Variants in HERC4 observed in about 807,000 individuals in gnomAD.
The protein encoded by HERC4 is probable E3 ubiquitin-protein ligase HERC4.
In HERC4, 28 loss-of-function variants were observed where a neutral mutation model predicts 124.3. The observed-to-expected ratio is 0.23, with a 90% confidence interval of 0.17 to 0.31. The LOEUF (loss-of-function observed/expected upper bound fraction) is 0.31, where lower values mean the gene tolerates loss of function less well. Ranked by LOEUF, HERC4 falls within the 10% of genes least tolerant of loss-of-function variation. The probability of loss-of-function intolerance (pLI) is 1.00; values close to 1 mark genes in which losing one functional copy is unlikely to be tolerated. For missense variants in HERC4, 713 were observed against 1,229.3 expected (o/e 0.58, Z 6.28); for synonymous variants, 407 against 421.5 (o/e 0.97, Z 0.42).
At chr10:68,070,033 C>T (rs564725944) in intron 3 of HERC4, 1 of 944,626 alleles carries the variant, frequency 1.1e-6, no homozygotes, top group Admixed American at 6.2e-5. Context: ...CAGAGTGAGA[C>T]TCTGTCTCAA....
At chr10:68,069,854 A>T (rs547022399) in intron 3 of HERC4, 15 of 497,364 alleles carry the variant, frequency 3.0e-5, no homozygotes, top group South Asian at 1.7e-4. Context: ...CATCCTGGCT[A>T]ACACGGTGAA....
In HERC4 at chr10:67,991,129, T is replaced by C. The variant is rs766559188; in HGVS notation, c.1331+11A>G. 4.6e-6 allele frequency: 7 copies of C among 1,516,666 alleles called. No individual in the cohort carries two copies. The South Asian group carries it at 5.7e-5, about 12-fold the overall frequency. The allele number at this position is 1,516,666 out of a possible 1,614,324, so 94.0% of individuals were successfully genotyped here. The stretch of plus-strand genomic sequence containing the variant: ...TTGAAAATTTCAGCATATTAAAGAA[T>C]TGCCACTTACCTAACAGCTAAAAAA... On this transcript the variant is annotated intron_variant, in intron 12 of 24. Coordinates refer to ENST00000373700, the MANE Select transcript of HERC4 (RefSeq NM_015601.4).
intron 19 of HERC4, among the ~76,000 whole-genome samples, chr10:67,952,049 C>A (rs1042923015): frequency 1.3e-5 from 2 of 152,162 alleles, no homozygotes; most frequent in African/African-American, 2.4e-5. Context: ...CCCTCCAAAT[C>A]TCAATTTCAA....
In HERC4 at chr10:68,013,947, G is replaced by A. The variant is rs969389252; in HGVS notation, c.1069+79C>T. 5.7e-6 allele frequency: 7 copies of A among 1,220,054 alleles called. No homozygotes were observed. In the South Asian group the frequency reaches 6.9e-5, roughly 12 times the overall value. The allele number at this position is 1,220,054 out of a possible 1,614,324, so 75.6% of individuals were successfully genotyped here. On this transcript the variant is annotated intron_variant, in intron 9 of 24. Coordinates refer to ENST00000373700, the MANE Select transcript of HERC4 (RefSeq NM_015601.4). ...CAATGTATCTTGGAATTCTTTCGCA[G>A]AAATCTTCATGATTTAAGAGCAACA...
Position 67,930,919 on chromosome 10 carries a change from A to T in HERC4, c.2838+1678T>A, listed in dbSNP as rs559945313. Among the ~76,000 whole-genome samples, 149 of 152,164 alleles carry T rather than the reference A, an allele frequency of 9.8e-4. 1 individual carries two copies. The highest frequency in any genetic ancestry group is 9.0e-3 in the Admixed American group (137 of 15,268). On this transcript the variant is annotated intron_variant, in intron 23 of 24. Transcript: ENST00000373700. ...GGTCTCCAACTCCTGGCCTCAAGTG[A>T]TCTGCCTGCCTCAGCCTCCCCAAGT...
chr10:68,064,422 T>C (rs907048888), intron 3 of HERC4, among the ~76,000 whole-genome samples: 7 of 150,726 alleles, frequency 4.6e-5, no homozygotes, highest in African/African-American at 1.7e-4. Context: ...AGTGTGGTGG[T>C]GCATGCCTGC....
intron 9 of HERC4, among the ~76,000 whole-genome samples, chr10:67,998,258 A>G (rs2037010826): frequency 6.6e-6 from 1 of 151,598 alleles, no homozygotes; most frequent in Non-Finnish European, 1.5e-5. Flanking sequence ...ACAATTAAAA[A>G]TCATACAGGC....
Position 67,992,664 on chromosome 10 carries a change from C to G in HERC4, c.1088G>C (p.Cys363Ser). The change falls in exon 10 of 25, where the codon TGT (cysteine) becomes TCT (serine). Residue 363 changes from cysteine to serine, a missense_variant. Coordinates refer to ENST00000373700, the MANE Select transcript of HERC4 (RefSeq NM_015601.4). ...LPDIDSEEYF[C>S]VKRIFSGGDQ... is the part of the protein sequence containing the mutation. Reference sequence around the variant, plus strand: ...TCCCCCTGAGAAAATTCTTTTTACACAGAAATATTCTTCAGAATCTGTAAT... The same window carrying G: ...TCCCCCTGAGAAAATTCTTTTTACAGAGAAATATTCTTCAGAATCTGTAAT... 6.5e-7 allele frequency: 1 copy of G among 1,526,836 alleles called. No homozygotes were observed. The highest frequency in any genetic ancestry group is 9.0e-7 in the Non-Finnish European group (1 of 1,111,614). The allele number at this position is 1,526,836 out of a possible 1,614,324, so 94.6% of individuals were successfully genotyped here. A position where few individuals can be genotyped will look rare whatever the true frequency, so the allele number is the denominator to read the frequency against.
At chr10:67,928,321 A>G (rs939516655) in intron 23 of HERC4, among the ~76,000 whole-genome samples, 13 of 152,142 alleles carry the variant, frequency 8.5e-5, no homozygotes, top group African/African-American at 3.1e-4. Context: ...CCTTAGAGTT[A>G]GTATCTACAG....
chr10:67,941,363 TTC>T (rs199842957), intron 19 of HERC4, among the ~76,000 whole-genome samples: 12,835 of 152,182 alleles, frequency 0.084, 1,008 homozygotes, highest in East Asian at 0.4. Context: ...TACAACTGTT[TTC>T]TCCCAGACAT....
chr10:67,940,585 A>C (rs2132128232), intron 20 of HERC4, among the ~76,000 whole-genome samples: 1 of 152,070 alleles, frequency 6.6e-6, no homozygotes, highest in Non-Finnish European at 1.5e-5. Context: ...ACGCCTGGCT[A>C]ATTTTTGTAT....
intron 1 of HERC4, 51 bp from the exon 2 acceptor site, chr10:68,073,737 T>C (rs2041677590): frequency 6.6e-6 from 1 of 152,168 alleles, no homozygotes; most frequent in Admixed American, 6.5e-5. Flanking sequence ...TTTTCCACAA[T>C]TTAAACGACT....
chr10:67,935,546 C>T (rs1465531009), intron 22 of HERC4, among the ~76,000 whole-genome samples: 1 of 152,126 alleles, frequency 6.6e-6, no homozygotes, highest in African/African-American at 2.4e-5. Flanking sequence ...CACTTAATCT[C>T]CCTGTTTTCA....
chr10:67,932,889 C>T (rs113134737), intron 22 of HERC4, 109 bp from the exon 23 acceptor site: 27 of 924,094 alleles, frequency 2.9e-5, no homozygotes, highest in African/African-American at 8.9e-5. Flanking sequence ...TACATATCTA[C>T]GAAACTGAGA....
chr10:68,043,351 A>G (rs1461734621), intron 4 of HERC4, among the ~76,000 whole-genome samples: 1 of 152,208 alleles, frequency 6.6e-6, no homozygotes, highest in Admixed American at 6.5e-5. Context: ...CTGTTCTATA[A>G]GAATTACTAT....
At chr10:67,937,117 G>A (rs2032433072) in intron 21 of HERC4, among the ~76,000 whole-genome samples, 1 of 152,050 alleles carries the variant, frequency 6.6e-6, no homozygotes. Context: ...AGAAGAGAGT[G>A]AGATTTCAGA....
chr10:67,977,685 TA>T (rs1489195294), intron 15 of HERC4, among the ~76,000 whole-genome samples: 5 of 152,140 alleles, frequency 3.3e-5, no homozygotes, highest in Admixed American at 3.3e-4. Flanking sequence ...ACAAGCTGAC[TA>T]AAGAGCCCTT....
chr10:67,935,391 C>G (rs960885534), intron 22 of HERC4, among the ~76,000 whole-genome samples: 1 of 152,062 alleles, frequency 6.6e-6, no homozygotes, highest in African/African-American at 2.4e-5. Flanking sequence ...GTGATCCGCC[C>G]GCCTCGGCCT....
intron 3 of HERC4, chr10:68,069,764 T>G: frequency 1.0e-6 from 1 of 985,462 alleles, no homozygotes; most frequent in Non-Finnish European, 1.2e-6. Flanking sequence ...TGAAGTCAGC[T>G]GGGCACGGTG....
Sources: gnomAD v4.1 joint callset for allele counts (sites outside exome capture counted in the v4.1 genomes callset) on GRCh38, gnomAD v4.1.1 for gene constraint, MANE v1.5 for transcripts, NCBI Gene and HGNC (gene_info 2026-07-23, HGNC 2026-07-21) for gene names.